Variants in MACF1 observed in about 807,000 individuals in gnomAD.
MACF1 encodes the protein microtubule-actin cross-linking factor 1.
In MACF1, 193 loss-of-function variants were observed where a neutral mutation model predicts 854.8. The observed-to-expected ratio is 0.23, with a 90% CI of 0.20 to 0.25. The LOEUF (loss-of-function observed/expected upper bound fraction) is 0.25. Ranked by LOEUF, MACF1 falls within the 10% of genes least tolerant of loss-of-function variation. MACF1 has a pLI of 1.00. For missense variants in MACF1, 7,722 were observed against 8,929.1 expected (o/e 0.86, Z 5.45); for synonymous variants, 3,185 against 3,226.7 (o/e 0.99, Z 0.44).
At chr1:39,223,027 C>T (rs1300475799) in intron 1 of MACF1, among the ~76,000 whole-genome samples, 1 of 152,080 alleles carries the variant, frequency 6.6e-6, no homozygotes, top group Admixed American at 6.6e-5. Flanking sequence ...AACAAGTAAA[C>T]AGTGATACCA....
At chr1:39,443,686 T>A in intron 79 of MACF1, 112 bp downstream of exon 79, 1 of 1,181,302 alleles carries the variant, frequency 8.5e-7, no homozygotes, top group Non-Finnish European at 1.2e-6. Flanking sequence ...AGTGCATTTT[T>A]ATCAAACATA....
intron 38 of MACF1, among the ~76,000 whole-genome samples, chr1:39,338,387 C>T (rs778271057): frequency 3.9e-5 from 6 of 151,978 alleles, no homozygotes; most frequent in Non-Finnish European, 5.9e-5. Flanking sequence ...AAACCAGATC[C>T]TCAACTTAAA....
intron 21 of MACF1, among the ~76,000 whole-genome samples, 186 bp downstream of exon 21, chr1:39,297,931 A>G (rs1571291951): frequency 1.3e-5 from 2 of 152,188 alleles, no homozygotes; most frequent in South Asian, 4.2e-4. Flanking sequence ...TTCTTTTCTT[A>G]AATAAGTTGC....
At chr1:39,453,602 A>G (rs1644380621) in intron 87 of MACF1, 105 bp from the exon 88 acceptor site, 4 of 984,858 alleles carry the variant, frequency 4.1e-6, no homozygotes, top group South Asian at 1.5e-5. Flanking sequence ...GCGTTAACAC[A>G]TGGAGGAAAA....
At chr1:39,225,380 C>A (rs1416726038) in intron 1 of MACF1, among the ~76,000 whole-genome samples, 1 of 150,984 alleles carries the variant, frequency 6.6e-6, no homozygotes, top group East Asian at 1.9e-4. Context: ...CCGCGCCCGG[C>A]TAATTTTTTG....
intron 2 of MACF1, among the ~76,000 whole-genome samples, chr1:39,138,891 C>G (rs1643253993): frequency 2.6e-5 from 4 of 152,236 alleles, no homozygotes; most frequent in Admixed American, 2.6e-4. Flanking sequence ...TCTCGAACTC[C>G]TGACCTCAGG....
chr1:39,206,991 T>C (rs1410213421), intron 1 of MACF1: 1 of 151,868 alleles, frequency 6.6e-6, no homozygotes, highest in Non-Finnish European at 1.5e-5. Flanking sequence ...TTTTTTTTTT[T>C]TTAATTGGAG....
At chr1:39,433,547 G>A (rs987735602) in intron 68 of MACF1, among the ~76,000 whole-genome samples, 6 of 152,322 alleles carry the variant, frequency 3.9e-5, no homozygotes, top group Non-Finnish European at 7.3e-5. Context: ...GATTGGTCAA[G>A]ATGGTTTGTA....
At chr1:39,441,173 G>C (rs1644108513) in intron 73 of MACF1, 48 bp downstream of exon 73, 2 of 1,614,108 alleles carry the variant, frequency 1.2e-6, no homozygotes, top group Non-Finnish European at 1.7e-6. Flanking sequence ...AGTGGGCCCA[G>C]ACTGAAGAGT....
chr1:39,360,052 T>TACACACACAC (rs373864736), intron 47 of MACF1, among the ~76,000 whole-genome samples: 2 of 49,888 alleles, frequency 4.0e-5, no homozygotes, highest in Admixed American at 2.7e-4. Context: ...TATATATATA[T>TACACACACAC]ACACACACAC....
At chr1:39,347,850 C>CAAAT (rs1343789950) in intron 41 of MACF1, among the ~76,000 whole-genome samples, 1 of 152,200 alleles carries the variant, frequency 6.6e-6, no homozygotes. Context: ...CTAAAACAAA[C>CAAAT]AAACAAACAA....
At chr1:39,355,493 A>G (rs1489483869) in intron 44 of MACF1, among the ~76,000 whole-genome samples, 4 of 98,818 alleles carry the variant, frequency 4.0e-5, no homozygotes, top group Middle Eastern at 0.013. Flanking sequence ...TTTGAGACGG[A>G]GTCTCACTCT....
chr1:39,410,749 A>G (rs77885848), intron 58 of MACF1: 4 of 1,613,862 alleles, frequency 2.5e-6, no homozygotes, highest in Non-Finnish European at 2.5e-6. Flanking sequence ...TGGTGCTTCA[A>G]ATCCTTCCTT....
At chr1:39,144,836 T>G (rs918616844) in intron 2 of MACF1, among the ~76,000 whole-genome samples, 3 of 152,248 alleles carry the variant, frequency 2.0e-5, no homozygotes, top group African/African-American at 7.2e-5. Context: ...GAGGGTATTT[T>G]AGGTGACGTG....
intron 27 of MACF1, among the ~76,000 whole-genome samples, chr1:39,316,114 A>G (rs184484013): frequency 2.2e-3 from 328 of 152,362 alleles, no homozygotes; most frequent in Admixed American, 6.9e-3. Context: ...TAAACTCTTC[A>G]TAGTGTAAAA....
rs370128972 is a variant in MACF1 at position 39,350,902 on chromosome 1, C to T, written c.11083C>T (p.Arg3695Trp). The change falls in exon 43 of 101, where the codon CGG (arginine) becomes TGG (tryptophan). Residue 3695 changes from arginine (R) to tryptophan (W), a missense_variant. Arg to Trp is a moderately radical substitution (Grantham distance 101, BLOSUM62 -3). Around this residue, in one of 15 missense-constraint regions of MACF1, gnomAD observed 2,807 missense variants for 3,235.8 expected, o/e 0.87. Transcript: ENST00000564288. ...KLSPRELTAL[R>W]EKLHQAKEQY... Reference sequence around the variant, plus strand: ...GAGCCCACGTGAGTTGACAGCTCTTCGGGAAAAGCTTCATCAGGCTAAGGA... The same window carrying T: ...GAGCCCACGTGAGTTGACAGCTCTTTGGGAAAAGCTTCATCAGGCTAAGGA... 5.0e-6 allele frequency: 8 copies of T among 1,613,900 alleles called. No homozygotes were observed. The highest frequency in any genetic ancestry group is 4.5e-5 in the East Asian group (2 of 44,880).
chr1:39,162,067 C>CT (rs931938531), intron 2 of MACF1, among the ~76,000 whole-genome samples: 86 of 146,816 alleles, frequency 5.9e-4, no homozygotes, highest in East Asian at 5.6e-3. Flanking sequence ...GTCTCTCTGT[C>CT]TTTTTTTTTT....
chr1:39,106,629 C>G (rs1013678926), intron 2 of MACF1, among the ~76,000 whole-genome samples: 4 of 152,122 alleles, frequency 2.6e-5, no homozygotes, highest in Non-Finnish European at 5.9e-5. Flanking sequence ...ACAGGCAGCA[C>G]TTTTCCCCAT....
Position 39,105,829 on chromosome 1 carries a change from C to G in MACF1, c.220+21391C>G, listed in dbSNP as rs980309730. ...GGCGGCCGGGCGGGGTCGCACCCAC[C>G]GCGCGGGGCTTGGCCCTGAGCTGCT... On this transcript the variant is annotated intron_variant, in intron 2 of 93. Coordinates refer to the MACF1 transcript ENST00000361689. This position sits in a 1 kb window ranked among gnomAD's most constrained non-coding sequence, Gnocchi z 5.9. The G allele has an allele frequency of 2.7e-5, 23 of 860,428 alleles. No individual in the cohort carries two copies. Among genetic ancestry groups the G allele is most frequent in the Non-Finnish European group, 2.9e-5 (21 of 714,972 alleles). The allele number at this position is 860,428 out of a possible 1,614,324, so 53.3% of individuals were successfully genotyped here. A position where few individuals can be genotyped will look rare whatever the true frequency, so the allele number is the denominator to read the frequency against.
Sources: gnomAD v4.1 joint callset for allele counts (sites outside exome capture counted in the v4.1 genomes callset) on GRCh38, gnomAD v4.1.1 for gene constraint, gnomAD v4.1.1 regional missense constraint, Gnocchi (gnomAD v3.1) non-coding constraint, MANE v1.5 for transcripts, NCBI Gene and HGNC (gene_info 2026-07-23, HGNC 2026-07-21) for gene names.